NREP: variants seen among roughly 807,000 people sequenced by gnomAD.
NREP encodes the protein neuronal regeneration-related protein.
A neutral mutation model predicts 8.6 loss-of-function variants in NREP; 5 were observed. The observed-to-expected ratio is 0.58, with a 90% CI of 0.30 to 1.22. NREP has a LOEUF of 1.22. Ranked by LOEUF, NREP falls within the 50% of genes most tolerant of loss-of-function variation. NREP has a pLI of 0.07. For missense variants in NREP, 86 were observed against 82.5 expected, an observed-to-expected ratio of 1.04 and a Z score of -0.17; for synonymous variants, 27 against 28.0, an observed-to-expected ratio of 0.96 and a Z score of 0.11.
At chr5:111,817,697 C>A (rs964853169) in intron 2 of NREP, among the ~76,000 whole-genome samples, 2 of 146,336 alleles carry the variant, frequency 1.4e-5, no homozygotes, top group Admixed American at 1.4e-4. Flanking sequence ...CCCAGCTACT[C>A]GGGAGGCTGA....
intron 2 of NREP, among the ~76,000 whole-genome samples, chr5:111,860,377 C>T (rs943575420): frequency 1.3e-5 from 2 of 152,096 alleles, no homozygotes; most frequent in African/African-American, 4.8e-5. Context: ...CCTTTTTCTT[C>T]ATTGTATTGC....
At chr5:111,778,254 A>C (rs540666690) in intron 2 of NREP, among the ~76,000 whole-genome samples, 2 of 152,300 alleles carry the variant, frequency 1.3e-5, no homozygotes, top group African/African-American at 4.8e-5. Context: ...TGCAGATAAC[A>C]AAAATTACTG....
Position 111,797,131 on chromosome 5 carries a change from T to A in NREP, c.136-61624A>T, listed in dbSNP as rs115445686. Among the ~76,000 whole-genome samples the A allele has an allele frequency of 1.5e-3, 225 of 152,110 alleles. 1 individual carries two copies. The highest frequency in any genetic ancestry group is 5.2e-3 in the African/African-American group (217 of 41,494). ...TAGATATTTCAAAAAACATCACTGG[T>A]AGCAAATACACATAGACTGTGGGAC... On this transcript the variant is annotated intron_variant, in intron 2 of 3. Coordinates refer to the NREP transcript ENST00000395634.
intron 2 of NREP, among the ~76,000 whole-genome samples, chr5:111,829,179 A>G (rs1279501535): frequency 6.6e-6 from 1 of 152,194 alleles, no homozygotes; most frequent in African/African-American, 2.4e-5. Context: ...TGAGGTTGCA[A>G]AGCAAACCGT....
chr5:111,940,995 T>C (rs1755813882), intron 2 of NREP, among the ~76,000 whole-genome samples: 1 of 152,144 alleles, frequency 6.6e-6, no homozygotes, highest in Non-Finnish European at 1.5e-5. Context: ...AGTACATTTA[T>C]GTTTTATAAA....
chr5:111,847,317 A>G (rs1753201936), intron 2 of NREP, among the ~76,000 whole-genome samples: 3 of 152,064 alleles, frequency 2.0e-5, no homozygotes, highest in Admixed American at 6.6e-5. Context: ...GCACAGAGAG[A>G]AAGATCTTGA....
chr5:111,933,789 T>C (rs1755607773), intron 2 of NREP, among the ~76,000 whole-genome samples: 1 of 152,054 alleles, frequency 6.6e-6, no homozygotes, highest in South Asian at 2.1e-4. Context: ...TGAAAGAAAG[T>C]CTATACTGTA....
chr5:111,781,592 T>C (rs1220948589), intron 2 of NREP, among the ~76,000 whole-genome samples: 1 of 152,158 alleles, frequency 6.6e-6, no homozygotes, highest in Non-Finnish European at 1.5e-5. Flanking sequence ...AATTATTGCT[T>C]TAAGCCTCCA....
chr5:111,972,652 G>C (rs752012917), intron 2 of NREP, among the ~76,000 whole-genome samples: 1 of 152,170 alleles, frequency 6.6e-6, no homozygotes, highest in African/African-American at 2.4e-5. Context: ...CCAGGTCCCA[G>C]TGCTGCCCCC....
intron 2 of NREP, among the ~76,000 whole-genome samples, chr5:111,770,541 G>A (rs78677582): frequency 0.074 from 8,770 of 118,054 alleles, 406 homozygotes; most frequent in African/African-American, 0.15. Context: ...ATTTGGTAAA[G>A]AAGAATTATT....
At chr5:111,795,934 G>T (rs1415763398) in intron 2 of NREP, among the ~76,000 whole-genome samples, 20 of 152,190 alleles carry the variant, frequency 1.3e-4, no homozygotes, top group Admixed American at 1.3e-3. Flanking sequence ...CCAGGTCTTT[G>T]AACAGCAAAG....
At chr5:111,920,635 T>C (rs1755211341) in intron 2 of NREP, among the ~76,000 whole-genome samples, 1 of 152,168 alleles carries the variant, frequency 6.6e-6, no homozygotes, top group Non-Finnish European at 1.5e-5. Context: ...TAAGGGTTTT[T>C]ATAGACAAGC....
chr5:111,943,125 G>A (rs974509493), intron 2 of NREP, among the ~76,000 whole-genome samples: 16 of 151,736 alleles, frequency 1.1e-4, no homozygotes, highest in African/African-American at 3.9e-4. Flanking sequence ...ATGACAACTG[G>A]CTCCTCTTTT....
chr5:111,832,830 A>G (rs1431426182), intron 2 of NREP, among the ~76,000 whole-genome samples: 5 of 152,180 alleles, frequency 3.3e-5, no homozygotes, highest in Admixed American at 6.5e-5. Flanking sequence ...TGGTAGGACA[A>G]ATGCCACCCA....
chr5:111,739,383 A>T (rs949924059), intron 2 of NREP: 1 of 152,294 alleles, frequency 6.6e-6, no homozygotes, highest in Admixed American at 6.5e-5. Flanking sequence ...GTCTCCCTGC[A>T]GCTCCTAGGG....
intron 2 of NREP, among the ~76,000 whole-genome samples, chr5:111,953,806 C>T (rs549911609): frequency 4.6e-5 from 7 of 152,044 alleles, no homozygotes; most frequent in Middle Eastern, 3.4e-3. Flanking sequence ...AGAATCATCT[C>T]GGTTGAAGGA....
intron 2 of NREP, among the ~76,000 whole-genome samples, chr5:111,968,391 G>A (rs1756706002): frequency 6.6e-6 from 1 of 152,126 alleles, no homozygotes; most frequent in East Asian, 1.9e-4. Context: ...TTCTAGTACA[G>A]AAACTGGACA....
intron 2 of NREP, chr5:111,940,045 TGAA>T (rs926780537): frequency 5.9e-5 from 9 of 152,156 alleles, no homozygotes; most frequent in South Asian, 2.1e-4. Flanking sequence ...AGATTTACAG[TGAA>T]GAAGAAGAAT....
chr5:111,906,808 A>G (rs1009780215), intron 2 of NREP, among the ~76,000 whole-genome samples: 1 of 152,104 alleles, frequency 6.6e-6, no homozygotes, highest in Non-Finnish European at 1.5e-5. Flanking sequence ...GCATCTAAGT[A>G]TCTTCTTTGG....
Sources: allele counts gnomAD v4.1 joint callset (sites outside exome capture counted in the v4.1 genomes callset), GRCh38; gene constraint gnomAD v4.1.1; transcripts MANE v1.5; gene names NCBI Gene and HGNC (gene_info 2026-07-23, HGNC 2026-07-21).